ZC3H12B: variants seen among roughly 807,000 people sequenced by gnomAD.
The protein encoded by ZC3H12B is probable ribonuclease ZC3H12B.
A neutral mutation model predicts 43.9 loss-of-function variants in ZC3H12B; 7 were observed. The ratio of observed to expected loss-of-function variants is 0.16; its 90% confidence interval spans 0.09 to 0.30. The LOEUF (loss-of-function observed/expected upper bound fraction) is 0.30. Among genes scored for constraint, ZC3H12B ranks in the 10% least tolerant of loss-of-function variants. The pLI, the probability that ZC3H12B is intolerant of heterozygous loss-of-function variation, is 1.00. For synonymous variants in ZC3H12B, 222 were observed against 241.7 expected (o/e 0.92, Z 0.76); for missense variants, 475 against 670.2 (o/e 0.71, Z 3.22).
intron 3 of ZC3H12B, among the ~76,000 whole-genome samples, chrX:65,450,259 A>G (rs1352159874): frequency 1.0e-5 from 1 of 98,918 alleles, no homozygotes; most frequent in Non-Finnish European, 2.0e-5. Context: ...AGCTGAAATC[A>G]TGTCACTGCC....
chrX:65,375,036 A>G (rs2066326165), intron 2 of ZC3H12B, among the ~76,000 whole-genome samples: 1 of 111,697 alleles, frequency 9.0e-6, no homozygotes, highest in South Asian at 3.8e-4. Flanking sequence ...TGGGTAAGAA[A>G]GTCTTGAATC....
At chrX:65,213,833 G>A in the ZC3H12B span, among the ~76,000 whole-genome samples, 2 of 107,964 alleles carry the variant, frequency 1.9e-5, no homozygotes, top group Admixed American at 2.0e-4. Context: ...TCAGACCACT[G>A]TATTAAAGCT....
the ZC3H12B span, among the ~76,000 whole-genome samples, chrX:65,287,465 A>G: frequency 9.0e-5 from 10 of 110,738 alleles, no homozygotes; most frequent in Non-Finnish European, 1.3e-4. Context: ...AAATTAAGAA[A>G]TTCCTTGAGG....
chrX:65,163,820 C>T, the ZC3H12B span, among the ~76,000 whole-genome samples: 2 of 111,919 alleles, frequency 1.8e-5, no homozygotes, highest in South Asian at 3.7e-4. Flanking sequence ...GAGATGAACC[C>T]GGTACCTCAG....
intron 3 of ZC3H12B, among the ~76,000 whole-genome samples, chrX:65,466,980 T>C (rs180953614): frequency 2.6e-5 from 2 of 76,852 alleles, no homozygotes; most frequent in Non-Finnish European, 5.2e-5. Flanking sequence ...ATAGTTTTCT[T>C]GGTACAGGTG....
chrX:65,426,420 A>G (rs1206543438), intron 3 of ZC3H12B, among the ~76,000 whole-genome samples: 1 of 101,629 alleles, frequency 9.8e-6, no homozygotes, highest in African/African-American at 3.7e-5. Flanking sequence ...AAAAAAACAC[A>G]GCTCCTGGAT....
At chrX:65,317,463 T>G in the ZC3H12B span, among the ~76,000 whole-genome samples, 1 of 109,848 alleles carries the variant, frequency 9.1e-6, no homozygotes, top group African/African-American at 3.3e-5. Context: ...TTTGTGAGAT[T>G]TTGGTGCACC....
intron 3 of ZC3H12B, among the ~76,000 whole-genome samples, chrX:65,432,290 G>C (rs1409780303): frequency 1.8e-5 from 2 of 111,506 alleles, no homozygotes; most frequent in Admixed American, 1.9e-4. Context: ...GTGACTTATG[G>C]TTGAGCATTT....
the ZC3H12B span, among the ~76,000 whole-genome samples, chrX:65,194,629 G>A: frequency 8.9e-6 from 1 of 111,812 alleles, no homozygotes; most frequent in African/African-American, 3.3e-5. Context: ...ATGTGCTGAG[G>A]ACAATCATGT....
the ZC3H12B span, among the ~76,000 whole-genome samples, chrX:65,315,161 T>C: frequency 9.0e-6 from 1 of 111,657 alleles, no homozygotes; most frequent in African/African-American, 3.2e-5. Context: ...ATTTAATTTG[T>C]ACAATTAAAT....
chrX:65,096,849 A>C, the ZC3H12B span, among the ~76,000 whole-genome samples: 1 of 111,687 alleles, frequency 9.0e-6, no homozygotes, highest in Non-Finnish European at 1.9e-5. Flanking sequence ...AAAATATATT[A>C]ATAACTAAAA....
intron 2 of ZC3H12B, among the ~76,000 whole-genome samples, chrX:65,390,066 C>T (rs968356679): frequency 8.9e-6 from 1 of 112,106 alleles, no homozygotes; most frequent in African/African-American, 3.2e-5. Flanking sequence ...CCATGGAATG[C>T]TATGCAGCCA....
chrX:65,453,478 T>C (rs183230141), intron 3 of ZC3H12B, among the ~76,000 whole-genome samples: 16 of 100,729 alleles, frequency 1.6e-4, no homozygotes, highest in African/African-American at 4.3e-4. Context: ...TCCAGCACTT[T>C]GGGAGGCCAG....
At chrX:65,093,040 T>C in the ZC3H12B span, among the ~76,000 whole-genome samples, 4 of 111,768 alleles carry the variant, frequency 3.6e-5, no homozygotes, top group Non-Finnish European at 7.5e-5. Context: ...GGGACACTGC[T>C]CTCTGCATCC....
chrX:65,302,631 A>G, the ZC3H12B span, among the ~76,000 whole-genome samples: 1 of 112,164 alleles, frequency 8.9e-6, no homozygotes, highest in African/African-American at 3.2e-5. Context: ...AATCCCAGGA[A>G]GTTGTTTTAT....
the ZC3H12B span, among the ~76,000 whole-genome samples, chrX:65,119,490 T>G: frequency 1.8e-5 from 2 of 111,847 alleles, no homozygotes; most frequent in Non-Finnish European, 3.8e-5. Context: ...CACTTTTTGA[T>G]GCAGTTGTTT....
the ZC3H12B span, among the ~76,000 whole-genome samples, chrX:65,337,346 A>G: frequency 8.9e-6 from 1 of 112,333 alleles, no homozygotes; most frequent in African/African-American, 3.2e-5. Context: ...TTTTAGGTGA[A>G]TCCATACAGT....
chrX:65,116,235 A>C, the ZC3H12B span, among the ~76,000 whole-genome samples: 1 of 111,652 alleles, frequency 9.0e-6, no homozygotes, highest in African/African-American at 3.3e-5. Flanking sequence ...ATAAGGTAAG[A>C]GATGAGATCC....
intron 1 of ZC3H12B, among the ~76,000 whole-genome samples, chrX:65,489,624 G>A (rs1321773148): frequency 2.7e-5 from 3 of 111,788 alleles, no homozygotes; most frequent in Admixed American, 9.5e-5. Flanking sequence ...AGGCAGCTTC[G>A]ACATCAGTGA....
Sources: allele counts gnomAD v4.1 joint callset (sites outside exome capture counted in the v4.1 genomes callset), GRCh38; gene constraint gnomAD v4.1.1; transcripts MANE v1.5; gene names NCBI Gene and HGNC (gene_info 2026-07-23, HGNC 2026-07-21).